Variants in R3HCC1L observed in about 807,000 individuals in gnomAD.
The protein encoded by R3HCC1L is coiled-coil domain-containing protein R3HCC1L.
R3HCC1L carries 51 observed loss-of-function variants against 59.9 expected under a neutral mutation model. That is an observed-to-expected ratio of 0.85 (90% CI 0.68 to 1.07). The LOEUF is 1.07. Ranked by LOEUF, R3HCC1L falls within the 50% of genes least tolerant of loss-of-function variation. The pLI is 0.00. For synonymous variants in R3HCC1L, 322 were observed against 315.2 expected, an observed-to-expected ratio of 1.02 and a Z score of -0.23; for missense variants, 965 against 933.0, an observed-to-expected ratio of 1.03 and a Z score of -0.45.
At chr10:98,190,412 T>A (rs887402011) in intron 4 of R3HCC1L, among the ~76,000 whole-genome samples, 2 of 152,254 alleles carry the variant, frequency 1.3e-5, no homozygotes, top group Non-Finnish European at 2.9e-5. Context: ...TTTACCTTGC[T>A]CTACAACCAG....
rs11189513 is a variant in R3HCC1L at position 98,209,811 on chromosome 10, A to G, written c.1697A>G (p.His566Arg). ...SIEPKATETS[H>R]TEGITAIEES... ...GAACCAAAAGCAACTGAAACTTCTC[A>G]CACAGAGGGAATTACTGCCATTGAG... The change falls in exon 5 of 10, where the codon CAC (histidine) becomes CGC (arginine). Residue 566 changes from histidine to arginine, a missense_variant. Transcript: ENST00000298999. The G allele has an allele frequency of 0.32, 509,268 of 1,613,216 alleles. 83,396 individuals are homozygous for G. The highest frequency in any genetic ancestry group is 0.42 in the South Asian group (38,579 of 91,030).
intron 5 of R3HCC1L, among the ~76,000 whole-genome samples, chr10:98,216,327 A>C (rs953727697): frequency 5.3e-5 from 8 of 152,102 alleles, no homozygotes; most frequent in African/African-American, 9.7e-5. Flanking sequence ...CACCCTAGGC[A>C]ACATGGCAAA....
intron 4 of R3HCC1L, among the ~76,000 whole-genome samples, chr10:98,195,429 G>T (rs780303120): frequency 6.6e-6 from 1 of 151,334 alleles, no homozygotes; most frequent in Non-Finnish European, 1.5e-5. Context: ...GAATTGTGAA[G>T]AGGTAAATTT....
chr10:98,227,120 TTAAAATTC>T (rs1403467431), intron 5 of R3HCC1L, among the ~76,000 whole-genome samples: 1 of 152,212 alleles, frequency 6.6e-6, no homozygotes, highest in Non-Finnish European at 1.5e-5. Context: ...TAGCACTTGG[TTAAAATTC>T]TTTTAAAGTG....
Position 98,234,428 on chromosome 10 carries a change from TG to T in R3HCC1L, c.1962-17del, listed in dbSNP as rs780254334. ...TAAATTTTATTTTAGGAAATAAAAT[TG>T]TTTTTTTGTGTTGCAGAAAGAAAGG... On this transcript the variant is annotated splice_polypyrimidine_tract_variant and intron_variant, in intron 6 of 9. Coordinates refer to ENST00000298999, the MANE Select transcript of R3HCC1L (RefSeq NM_001351015.2). 25 of 1,605,606 alleles carry T rather than the reference TG, an allele frequency of 1.6e-5. No individual in the cohort carries two copies. The highest frequency in any genetic ancestry group is 3.4e-5 in the Admixed American group (2 of 59,632).
rs750883221 is a variant in R3HCC1L, at chr10:98,219,844, T to TAC, written c.1785+9946_1785+9947insCA. ...GGTCTTTGACTTTTGACAACTTGAC[T>TAC]AGTGTGCCTTGGAGAAGACATTTTT... On this transcript the variant is annotated intron_variant, in intron 5 of 9. Transcript: ENST00000298999. Among the ~76,000 whole-genome samples the TAC allele has an allele frequency of 3.3e-5, 5 of 152,350 alleles. No homozygotes were observed. The South Asian group carries it at 1.0e-3, about 32-fold the overall frequency.
intron 2 of R3HCC1L, among the ~76,000 whole-genome samples, chr10:98,160,614 A>T (rs1847323015): frequency 6.6e-6 from 1 of 152,200 alleles, no homozygotes; most frequent in African/African-American, 2.4e-5. Context: ...TATGTTACTC[A>T]TTTGAAATAC....
chr10:98,183,432 T>TTTG (rs551367212), intron 4 of R3HCC1L, among the ~76,000 whole-genome samples: 66 of 151,984 alleles, frequency 4.3e-4, no homozygotes, highest in Middle Eastern at 3.4e-3. Context: ...ATTGTGGATT[T>TTTG]TTGTTGTTGT....
intron 9 of R3HCC1L, among the ~76,000 whole-genome samples, chr10:98,239,569 A>T (rs1164777195): frequency 6.6e-6 from 1 of 152,126 alleles, no homozygotes; most frequent in Non-Finnish European, 1.5e-5. Context: ...TCTTGACTCT[A>T]CTCTGAATGC....
chr10:98,198,177 G>T (rs541257323), intron 4 of R3HCC1L, among the ~76,000 whole-genome samples: 1 of 152,138 alleles, frequency 6.6e-6, no homozygotes, highest in East Asian at 1.9e-4. Flanking sequence ...ATGAAGTTAG[G>T]GAGAGGAGAG....
chr10:98,176,391 T>C, intron 4 of R3HCC1L, among the ~76,000 whole-genome samples: 1 of 152,330 alleles, frequency 6.6e-6, no homozygotes, highest in South Asian at 2.1e-4. Context: ...TCATTTATGA[T>C]CTTTCTTTCG....
chr10:98,207,419 C>T (rs1037680894), intron 4 of R3HCC1L, among the ~76,000 whole-genome samples: 2 of 152,182 alleles, frequency 1.3e-5, no homozygotes, highest in African/African-American at 4.8e-5. Flanking sequence ...ATTGTCTCAT[C>T]ACAGTTTCCT....
chr10:98,160,555 A>C (rs1035538022), intron 2 of R3HCC1L, among the ~76,000 whole-genome samples: 1 of 152,204 alleles, frequency 6.6e-6, no homozygotes, highest in African/African-American at 2.4e-5. Flanking sequence ...TTCAAAAGTT[A>C]CTTGGATTAA....
intron 1 of R3HCC1L, among the ~76,000 whole-genome samples, chr10:98,144,655 T>G (rs1845484246): frequency 6.6e-6 from 1 of 152,226 alleles, no homozygotes. Flanking sequence ...AGCTGTCAGA[T>G]TTCCAAAGTA....
intron 4 of R3HCC1L, among the ~76,000 whole-genome samples, chr10:98,182,916 G>A (rs1008993869): frequency 1.3e-5 from 2 of 152,204 alleles, no homozygotes; most frequent in African/African-American, 4.8e-5. Context: ...TTGGGTGGCA[G>A]TGTCCCGATT....
intron 4 of R3HCC1L, among the ~76,000 whole-genome samples, chr10:98,164,968 C>T (rs1003621722): frequency 1.3e-5 from 2 of 152,166 alleles, no homozygotes; most frequent in South Asian, 2.1e-4. Context: ...GTCATCAAAA[C>T]TGTAAAGTTG....
rs373657280 is a variant in R3HCC1L at position 98,208,320 on chromosome 10, G to A, written c.206G>A (p.Arg69Gln). ...KEVFKDKPEA[R>Q]RLNINPDRKE... is the part of the protein sequence containing the mutation. The stretch of plus-strand genomic sequence containing the variant: ...GTCTTTAAAGACAAACCGGAGGCTC[G>A]AAGACTAAATATCAATCCTGATAGA... The change falls in exon 5 of 10, where the codon CGA becomes CAA. Residue 69 changes from arginine (R) to glutamine (Q), a missense_variant. Coordinates refer to ENST00000298999, the MANE Select transcript of R3HCC1L (RefSeq NM_001351015.2). The A allele has an allele frequency of 8.2e-5, 132 of 1,614,106 alleles. No individual in the cohort carries two copies. The South Asian group carries it at 1.1e-3, about 13-fold the overall frequency.
chr10:98,242,927 C>T (rs1361100649), intron 9 of R3HCC1L, among the ~76,000 whole-genome samples: 1 of 152,190 alleles, frequency 6.6e-6, no homozygotes, highest in East Asian at 1.9e-4. Context: ...GCCTCAGTTC[C>T]AGGGCATTCT....
intron 5 of R3HCC1L, among the ~76,000 whole-genome samples, chr10:98,229,185 A>T (rs1022544962): frequency 6.6e-6 from 1 of 152,052 alleles, no homozygotes; most frequent in African/African-American, 2.4e-5. Flanking sequence ...CAGTATGGCC[A>T]TTTTCACGAT....
Sources: gnomAD v4.1 joint callset for allele counts (sites outside exome capture counted in the v4.1 genomes callset) on GRCh38, gnomAD v4.1.1 for gene constraint, MANE v1.5 for transcripts, NCBI Gene and HGNC (gene_info 2026-07-23, HGNC 2026-07-21) for gene names.